GTF2F2: variants seen among roughly 807,000 people sequenced by gnomAD.
GTF2F2 encodes ATP-dependent helicase GTF2F2.
In GTF2F2, 23 loss-of-function variants were observed where a neutral mutation model predicts 42.2. The observed-to-expected ratio is 0.55, with a 90% CI of 0.39 to 0.77. The LOEUF (loss-of-function observed/expected upper bound fraction) is 0.77. Ranked by LOEUF, GTF2F2 falls within the 30% of genes least tolerant of loss-of-function variation. The pLI is 0.00. For missense variants in GTF2F2, 261 were observed against 287.2 expected (o/e 0.91, Z 0.66); for synonymous variants, 105 against 100.8 (o/e 1.04, Z -0.25).
intron 5 of GTF2F2, among the ~76,000 whole-genome samples, chr13:45,227,272 G>T (rs1050912424): frequency 6.6e-6 from 1 of 152,094 alleles, no homozygotes. Flanking sequence ...AGAGCATATT[G>T]AGTTGTATAT....
chr13:45,217,362 A>G (rs1283413484), intron 5 of GTF2F2, among the ~76,000 whole-genome samples: 2 of 151,792 alleles, frequency 1.3e-5, no homozygotes, highest in African/African-American at 4.8e-5. Flanking sequence ...CTCTTCACAC[A>G]GAATAAGTAC....
intron 4 of GTF2F2, among the ~76,000 whole-genome samples, chr13:45,152,138 C>A (rs2138120727): frequency 6.6e-6 from 1 of 152,228 alleles, no homozygotes; most frequent in East Asian, 1.9e-4. Flanking sequence ...TGGTCTCTAA[C>A]TCCCTACCTC....
intron 2 of GTF2F2, among the ~76,000 whole-genome samples, chr13:45,141,607 ATT>A (rs1245509201): frequency 6.6e-6 from 1 of 152,186 alleles, no homozygotes; most frequent in Non-Finnish European, 1.5e-5. Flanking sequence ...ATGAGCTGGC[ATT>A]GTTTGATTTC....
intron 1 of GTF2F2, chr13:45,124,083 A>G: frequency 1.1e-6 from 1 of 917,712 alleles, no homozygotes; most frequent in South Asian, 1.3e-5. Context: ...TTGTCTTACC[A>G]GGAAATGAAC....
At chr13:45,255,536 A>G (rs1876068909) in intron 6 of GTF2F2, among the ~76,000 whole-genome samples, 1 of 152,238 alleles carries the variant, frequency 6.6e-6, no homozygotes, top group Non-Finnish European at 1.5e-5. Context: ...GTAAGGTTTC[A>G]GATGATCCAG....
At chr13:45,248,773 G>A (rs1875754304) in intron 5 of GTF2F2, among the ~76,000 whole-genome samples, 1 of 152,176 alleles carries the variant, frequency 6.6e-6, no homozygotes, top group African/African-American at 2.4e-5. Flanking sequence ...ACCACTCCCA[G>A]CCAGCACCAA....
intron 4 of GTF2F2, among the ~76,000 whole-genome samples, chr13:45,152,608 A>G (rs2138121239): frequency 6.6e-6 from 1 of 152,354 alleles, no homozygotes; most frequent in Middle Eastern, 3.4e-3. Context: ...TTTTTATTGC[A>G]TAGAGATAAC....
chr13:45,246,235 T>A (rs1422656953), intron 5 of GTF2F2, among the ~76,000 whole-genome samples: 2 of 151,812 alleles, frequency 1.3e-5, no homozygotes, highest in Admixed American at 6.6e-5. Context: ...ATGGTCTCGA[T>A]CTCCTGACCT....
chr13:45,195,921 G>T (rs1872870008), intron 4 of GTF2F2, among the ~76,000 whole-genome samples: 1 of 152,148 alleles, frequency 6.6e-6, no homozygotes, highest in African/African-American at 2.4e-5. Flanking sequence ...CTCCCAGAGT[G>T]CTGGGATTAC....
chr13:45,250,740 A>G (rs929034194), intron 5 of GTF2F2, among the ~76,000 whole-genome samples: 1 of 152,184 alleles, frequency 6.6e-6, no homozygotes, highest in Non-Finnish European at 1.5e-5. Context: ...CTATGAAGGA[A>G]CTTGTGCTGC....
At chr13:45,277,447 G>A (rs1205790205) in intron 7 of GTF2F2, among the ~76,000 whole-genome samples, 1 of 152,126 alleles carries the variant, frequency 6.6e-6, no homozygotes, top group Non-Finnish European at 1.5e-5. Context: ...TCACTATCTC[G>A]AGGATAGTAC....
intron 2 of GTF2F2, among the ~76,000 whole-genome samples, chr13:45,139,282 C>T (rs893935867): frequency 6.6e-6 from 1 of 152,150 alleles, no homozygotes; most frequent in Non-Finnish European, 1.5e-5. Context: ...AGCTGTGTCT[C>T]ATTTAATATG....
intron 5 of GTF2F2, among the ~76,000 whole-genome samples, chr13:45,250,458 T>C (rs865981564): frequency 1.6e-4 from 24 of 152,288 alleles, no homozygotes; most frequent in Middle Eastern, 3.4e-3. Flanking sequence ...CTACCATCCC[T>C]CCATCACCCT....
intron 6 of GTF2F2, among the ~76,000 whole-genome samples, chr13:45,253,183 AAAG>A (rs1276332653): frequency 6.6e-6 from 1 of 152,022 alleles, no homozygotes; most frequent in East Asian, 1.9e-4. Context: ...ATCATGGCAA[AAAG>A]AAGGCAACCA....
intron 5 of GTF2F2, among the ~76,000 whole-genome samples, chr13:45,235,796 G>A (rs1475643872): frequency 6.6e-6 from 1 of 151,704 alleles, no homozygotes; most frequent in Non-Finnish European, 1.5e-5. Flanking sequence ...GTAGAGACGG[G>A]GTTTCACCAT....
chr13:45,197,353 A>C (rs1872948545), intron 4 of GTF2F2, among the ~76,000 whole-genome samples: 1 of 151,158 alleles, frequency 6.6e-6, no homozygotes, highest in Non-Finnish European at 1.5e-5. Context: ...AAAAAAAAAA[A>C]AAAAATTAGC....
chr13:45,174,421 T>G (rs2138148212), intron 4 of GTF2F2, among the ~76,000 whole-genome samples: 1 of 152,276 alleles, frequency 6.6e-6, no homozygotes, highest in South Asian at 2.1e-4. Flanking sequence ...AGCTGCCAGG[T>G]ATCCCTCCTT....
rs112975683 is a variant in GTF2F2 at position 45,163,823 on chromosome 13, T to A, written c.304+11992T>A. ...TTACATTATAAAAACAGAGACAGGT[T>A]ATTTGGTTGCCTTTGTATTTTTATC... On this transcript the variant is annotated intron_variant, in intron 4 of 7. Transcript: ENST00000340473. 2.2e-3 allele frequency among the ~76,000 whole-genome samples: 329 copies of A among 152,260 alleles called. 3 individuals are homozygous for A. Among genetic ancestry groups the A allele is most frequent in the African/African-American group, 7.6e-3 (314 of 41,544 alleles).
chr13:45,120,603 G>A lies in GTF2F2; in HGVS notation c.-53G>A. 7.2e-7 allele frequency: 1 copy of A among 1,385,240 alleles called. No homozygotes were observed. The highest frequency in any genetic ancestry group is 1.2e-5 in the South Asian group (1 of 80,650). 85.8% of individuals were successfully genotyped at this position (1,385,240 alleles called of 1,614,324 possible). On this transcript the variant is annotated 5_prime_UTR_variant, in exon 1 of 8. Coordinates refer to ENST00000340473, the MANE Select transcript of GTF2F2 (RefSeq NM_004128.3). ...TTCCGGACGCCCGCTCCTCAGCCCT[G>A]CGGCTCCTGGGGTCGCTGCTGCATC...
Sources: allele counts gnomAD v4.1 joint callset (sites outside exome capture counted in the v4.1 genomes callset), GRCh38; gene constraint gnomAD v4.1.1; transcripts MANE v1.5; gene names NCBI Gene and HGNC (gene_info 2026-07-23, HGNC 2026-07-21).